The following REPS2 variants were observed in gnomAD, a reference collection of about 807,000 sequenced individuals.
REPS2 encodes ralBP1-associated Eps domain-containing protein 2.
A neutral mutation model predicts 53.6 loss-of-function variants in REPS2; 23 were observed. That is an observed-to-expected ratio of 0.43 (90% CI 0.31 to 0.61). The LOEUF is 0.61. Ranked by LOEUF, REPS2 falls within the 20% of genes least tolerant of loss-of-function variation. The pLI, the probability that REPS2 is intolerant of heterozygous loss-of-function variation, is 0.11. For synonymous variants in REPS2, 238 were observed against 218.6 expected (o/e 1.09, Z -0.78); for missense variants, 446 against 534.9 (o/e 0.83, Z 1.64).
rs73456304 is a variant in REPS2 at position 17,151,880 on chromosome X, T to G, written c.*4399T>G. The G allele has an allele frequency of 2.6e-3, 283 of 110,791 alleles. 3 individuals are homozygous for G. Among genetic ancestry groups the G allele is most frequent in the African/African-American group, 9.0e-3 (276 of 30,501 alleles). 9.1% of individuals were successfully genotyped at this position (110,791 alleles called of 1,213,427 possible). A position where few individuals can be genotyped will look rare whatever the true frequency, so the allele number is the denominator to read the frequency against. On this transcript the variant is annotated 3_prime_UTR_variant, in exon 18 of 18. Coordinates refer to ENST00000357277, the MANE Select transcript of REPS2 (RefSeq NM_004726.3). ...TTATGGGTGTTTTGTTACTTTTTTT[T>G]TTTTTGTATCATGACTCAGTATGGT...
chrX:17,034,246 A>G (rs1444714881), intron 5 of REPS2, among the ~76,000 whole-genome samples: 1 of 111,552 alleles, frequency 9.0e-6, no homozygotes, highest in Non-Finnish European at 1.9e-5. Flanking sequence ...ACATGCAAAT[A>G]TAGGTATTCA....
intron 6 of REPS2, among the ~76,000 whole-genome samples, chrX:17,050,186 C>CTTTCTTTCT (rs750250853): frequency 3.8e-5 from 2 of 51,962 alleles, no homozygotes; most frequent in South Asian, 8.9e-4. Flanking sequence ...TTCTTTCTTT[C>CTTTCTTTCT]TTTCTTTCTT....
At chrX:17,143,856 TTTTC>T (rs1452635133) in intron 17 of REPS2, among the ~76,000 whole-genome samples, 3 of 112,162 alleles carry the variant, frequency 2.7e-5, no homozygotes, top group African/African-American at 9.7e-5. Flanking sequence ...TTATGGTCAT[TTTTC>T]TTTCTTCTTC....
At chrX:16,972,549 A>T (rs2060907434) in intron 1 of REPS2, among the ~76,000 whole-genome samples, 1 of 111,899 alleles carries the variant, frequency 8.9e-6, no homozygotes, top group Non-Finnish European at 1.9e-5. Context: ...TCTACACCTC[A>T]GAAGGAGCTG....
chrX:17,027,281 C>A (rs1008590945), intron 4 of REPS2, among the ~76,000 whole-genome samples: 3 of 112,248 alleles, frequency 2.7e-5, no homozygotes, highest in African/African-American at 6.5e-5. Flanking sequence ...TCTAGAACTT[C>A]ATATGAATGA....
At chrX:17,112,290 A>G (rs1341908338) in intron 14 of REPS2, among the ~76,000 whole-genome samples, 1 of 111,744 alleles carries the variant, frequency 8.9e-6, no homozygotes, top group Admixed American at 9.5e-5. Context: ...TAAAGAGGAA[A>G]GAGGACTGGC....
intron 1 of REPS2, among the ~76,000 whole-genome samples, chrX:16,963,614 T>C (rs1208621909): frequency 5.3e-5 from 6 of 112,485 alleles, no homozygotes; most frequent in African/African-American, 9.7e-5. Flanking sequence ...TAATTATGAA[T>C]TACAAGCCTT....
At chrX:16,987,456 A>G (rs752110019) in intron 1 of REPS2, among the ~76,000 whole-genome samples, 2 of 112,540 alleles carry the variant, frequency 1.8e-5, no homozygotes, top group Non-Finnish European at 3.8e-5. Flanking sequence ...TCTCATAGAT[A>G]ATGCAAAGAC....
chrX:16,971,671 T>C (rs1423367317), intron 1 of REPS2, among the ~76,000 whole-genome samples: 1 of 112,436 alleles, frequency 8.9e-6, no homozygotes, highest in African/African-American at 3.2e-5. Flanking sequence ...TGTCAGTCTT[T>C]GATTCATTTT....
In REPS2 at chrX:16,965,155, C is replaced by T. The variant is rs750836708; in HGVS notation, c.273+18021C>T. 8.6e-3 allele frequency among the ~76,000 whole-genome samples: 821 copies of T among 95,312 alleles called. 13 individuals carry two copies. Among genetic ancestry groups the T allele is most frequent in the African/African-American group, 0.031 (777 of 24,962 alleles). 82.8% of individuals were successfully genotyped at this position (95,312 alleles called of 115,157 possible). On this transcript the variant is annotated intron_variant, in intron 1 of 17. Transcript: ENST00000357277. ...GGTGGGGGGCTGACCCCCCCACCTC[C>T]CTCCCGGACAGGGCGGCTGGCAGGG... is the stretch of plus-strand genomic sequence containing the variant.
At chrX:17,157,799 T>C (rs1484323573), downstream of REPS2, among the ~76,000 whole-genome samples, 1 of 112,374 alleles carries the variant, frequency 8.9e-6, no homozygotes, top group Non-Finnish European at 1.9e-5. Context: ...CAAAACTATA[T>C]CAACAGGTTC....
intron 1 of REPS2, among the ~76,000 whole-genome samples, chrX:16,989,134 A>G (rs928988284): frequency 5.4e-5 from 6 of 111,292 alleles, no homozygotes; most frequent in African/African-American, 2.0e-4. Context: ...GAACCTAGAA[A>G]TAGACCAACA....
intron 1 of REPS2, among the ~76,000 whole-genome samples, chrX:16,975,095 T>G (rs762750962): frequency 4.9e-4 from 55 of 112,343 alleles, no homozygotes; most frequent in African/African-American, 1.7e-3. Flanking sequence ...ATGTACCACA[T>G]TTTCTTTATC....
At chrX:17,014,831 A>G (rs1672699750) in intron 2 of REPS2, among the ~76,000 whole-genome samples, 2 of 112,548 alleles carry the variant, frequency 1.8e-5, no homozygotes, top group African/African-American at 3.2e-5. Context: ...TGCAAAATGC[A>G]GACATTTGAG....
chrX:17,045,239 T>G (rs1008194001), intron 5 of REPS2, among the ~76,000 whole-genome samples: 5 of 110,856 alleles, frequency 4.5e-5, no homozygotes, highest in Non-Finnish European at 9.4e-5. Context: ...GGCCTGTTTA[T>G]TTTTATAATA....
At chrX:17,047,986 A>C (rs1166086587) in intron 6 of REPS2, among the ~76,000 whole-genome samples, 1 of 112,719 alleles carries the variant, frequency 8.9e-6, no homozygotes, top group Admixed American at 9.4e-5. Flanking sequence ...CCCACTTGTC[A>C]GTTCTTCTGG....
chrX:17,129,641 T>C (rs776514510), intron 14 of REPS2, among the ~76,000 whole-genome samples: 1 of 112,475 alleles, frequency 8.9e-6, no homozygotes, highest in South Asian at 3.7e-4. Context: ...GAAAAACATT[T>C]TAAGACACAT....
intron 13 of REPS2, among the ~76,000 whole-genome samples, chrX:17,079,055 T>A (rs1321693492): frequency 8.9e-6 from 1 of 112,435 alleles, no homozygotes; most frequent in Non-Finnish European, 1.9e-5. Flanking sequence ...TTTGGAATAT[T>A]TGCATTATAT....
the REPS2 span, among the ~76,000 whole-genome samples, chrX:17,164,640 T>C: frequency 8.9e-6 from 1 of 111,743 alleles, no homozygotes; most frequent in African/African-American, 3.2e-5. Flanking sequence ...ACTTGTGAAA[T>C]GCAGCTAAAG....
Sources: gnomAD v4.1 joint callset for allele counts (sites outside exome capture counted in the v4.1 genomes callset) on GRCh38, gnomAD v4.1.1 for gene constraint, MANE v1.5 for transcripts, NCBI Gene and HGNC (gene_info 2026-07-23, HGNC 2026-07-21) for gene names.